ZFHX3: variants seen among roughly 807,000 people sequenced by gnomAD.
The protein encoded by ZFHX3 is zinc finger homeobox protein 3.
Under a neutral mutation model 279.1 loss-of-function variants are expected in ZFHX3, and 42 were observed. The ratio of observed to expected loss-of-function variants is 0.15; its 90% CI spans 0.12 to 0.19. The LOEUF is 0.19. ZFHX3 is among the 10% of genes least tolerant of loss of function. The pLI, the probability that ZFHX3 is intolerant of heterozygous loss-of-function variation, is 1.00. For synonymous variants in ZFHX3, 2,293 were observed against 1,957.8 expected (o/e 1.17, Z -4.52); for missense variants, 4,981 against 4,754.0 (o/e 1.05, Z -1.40).
intron 7 of ZFHX3, among the ~76,000 whole-genome samples, chr16:73,100,410 C>T (rs1966216354): frequency 6.6e-6 from 1 of 152,130 alleles, no homozygotes. Flanking sequence ...TTTGATCTGG[C>T]CCAGGTTTGC....
intron 1 of ZFHX3, among the ~76,000 whole-genome samples, chr16:73,838,730 C>CTG (rs549643597): frequency 2.0e-5 from 3 of 151,018 alleles, no homozygotes; most frequent in Non-Finnish European, 4.4e-5. Flanking sequence ...TCAACTGCTA[C>CTG]TGTGTGTGTG....
chr16:73,641,097 C>G (rs2052569026), intron 2 of ZFHX3, among the ~76,000 whole-genome samples: 1 of 152,152 alleles, frequency 6.6e-6, no homozygotes, highest in South Asian at 2.1e-4. Flanking sequence ...CCCACAGTAT[C>G]GACCTAGTTT....
At chr16:73,860,094 A>G (rs1961841472) in intron 1 of ZFHX3, among the ~76,000 whole-genome samples, 3 of 152,242 alleles carry the variant, frequency 2.0e-5, no homozygotes, top group Non-Finnish European at 4.4e-5. Flanking sequence ...GAACAAAGAC[A>G]CAATAGCAAA....
rs112263441 is a variant in ZFHX3 at position 73,521,162 on chromosome 16, G to C, written c.-1546-64904C>G. ...AATTATCAAGCTTAAACTATGTCTT[G>C]TTGTGGCTGGTTGGTTAGTTGGTTG... On this transcript the variant is annotated intron_variant, in intron 2 of 17. Transcript: ENST00000641206. Among the ~76,000 whole-genome samples the C allele has an allele frequency of 7.7e-4, 118 of 152,268 alleles. 1 individual carries two copies. The highest frequency in any genetic ancestry group is 2.7e-3 in the African/African-American group (111 of 41,540).
chr16:73,647,780 G>A (rs187469627), intron 2 of ZFHX3, among the ~76,000 whole-genome samples: 33 of 152,188 alleles, frequency 2.2e-4, no homozygotes, highest in African/African-American at 7.5e-4. Context: ...GCCTACTGAT[G>A]CATGTTCCCA....
At chr16:73,327,154 G>A (rs752505819) in intron 3 of ZFHX3, among the ~76,000 whole-genome samples, 6 of 152,208 alleles carry the variant, frequency 3.9e-5, no homozygotes, top group Non-Finnish European at 7.3e-5. Context: ...TGGGAGAGTA[G>A]TATTCTGAGA....
At chr16:73,890,952 A>C (rs896161520) in intron 1 of ZFHX3, among the ~76,000 whole-genome samples, 6 of 152,050 alleles carry the variant, frequency 3.9e-5, no homozygotes, top group African/African-American at 1.2e-4. Context: ...TGCAGATCAG[A>C]AGAGGCGCTC....
At chr16:73,108,963 A>G (rs1966337946) in intron 7 of ZFHX3, among the ~76,000 whole-genome samples, 1 of 151,496 alleles carries the variant, frequency 6.6e-6, no homozygotes, top group Non-Finnish European at 1.5e-5. Context: ...GTGGTGCAGC[A>G]AAGAGGTGCG....
chr16:73,631,680 G>A (rs1161105328), intron 2 of ZFHX3, among the ~76,000 whole-genome samples: 1 of 152,090 alleles, frequency 6.6e-6, no homozygotes, highest in Non-Finnish European at 1.5e-5. Flanking sequence ...CGAGGCAGGT[G>A]GATCACTTGA....
intron 1 of ZFHX3, among the ~76,000 whole-genome samples, chr16:73,789,114 T>C (rs1959748484): frequency 6.6e-6 from 1 of 151,424 alleles, no homozygotes; most frequent in Admixed American, 6.6e-5. Context: ...CTTGTAGATA[T>C]ATATGATATC....
At chr16:72,903,295 C>A (rs900223993) in intron 3 of ZFHX3, among the ~76,000 whole-genome samples, 2 of 152,172 alleles carry the variant, frequency 1.3e-5, no homozygotes, top group Non-Finnish European at 2.9e-5. Context: ...AGCAACAGCA[C>A]CCTCTGGGAA....
intron 1 of ZFHX3, among the ~76,000 whole-genome samples, chr16:73,707,556 C>A (rs2053316750): frequency 8.0e-6 from 1 of 124,416 alleles, no homozygotes; most frequent in Non-Finnish European, 1.5e-5. Context: ...CACAGGGACA[C>A]AGGAAGGGGA....
At position 73,009,908 on chromosome 16, in the gene ZFHX3, C is replaced by T. The variant is rs373927660; in HGVS notation, c.-50+37844G>A. Among the ~76,000 whole-genome samples, 7 of 151,678 alleles carry T rather than the reference C, an allele frequency of 4.6e-5. No individual in the cohort carries two copies. In the South Asian group the frequency reaches 6.3e-4, roughly 14 times the overall value. On this transcript the variant is annotated intron_variant, in intron 1 of 9. Transcript: ENST00000268489. Reference sequence around the variant, plus strand: ...TGGTGGCGCACGCCTGTAATCCCAGCTATTCAGGAGGCTGAGGCAGGAGAA... The same window carrying T: ...TGGTGGCGCACGCCTGTAATCCCAGTTATTCAGGAGGCTGAGGCAGGAGAA...
chr16:73,529,969 T>C (rs1798775268), intron 2 of ZFHX3, among the ~76,000 whole-genome samples: 1 of 152,078 alleles, frequency 6.6e-6, no homozygotes, highest in Non-Finnish European at 1.5e-5. Flanking sequence ...AACCACTCCA[T>C]TGTATTTGAT....
intron 4 of ZFHX3, among the ~76,000 whole-genome samples, chr16:73,283,826 G>T (rs1184218668): frequency 6.6e-6 from 1 of 152,074 alleles, no homozygotes; most frequent in Non-Finnish European, 1.5e-5. Flanking sequence ...GTGCATGGTT[G>T]TCATCCCAGC....
chr16:73,294,372 C>T (rs2014850963), intron 4 of ZFHX3: 1 of 152,220 alleles, frequency 6.6e-6, no homozygotes, highest in Non-Finnish European at 1.5e-5. Flanking sequence ...AGCCCCTCTC[C>T]CCCAGGATGG....
chr16:73,475,078 C>T (rs536009131), intron 2 of ZFHX3, among the ~76,000 whole-genome samples: 2 of 152,312 alleles, frequency 1.3e-5, no homozygotes, highest in African/African-American at 4.8e-5. Flanking sequence ...TCCCTCTGCT[C>T]TCTGACTCTT....
At chr16:73,855,691 C>A in intron 1 of ZFHX3, among the ~76,000 whole-genome samples, 1 of 152,118 alleles carries the variant, frequency 6.6e-6, no homozygotes, top group East Asian at 1.9e-4. Context: ...TTTACTAGAA[C>A]GTAGGACTTA....
At chr16:72,954,944 C>G (rs999470384) in intron 2 of ZFHX3, among the ~76,000 whole-genome samples, 10 of 152,192 alleles carry the variant, frequency 6.6e-5, no homozygotes, top group African/African-American at 2.4e-4. Context: ...TCAGTCACAT[C>G]TAATAACACC....
Sources: allele counts gnomAD v4.1 joint callset (sites outside exome capture counted in the v4.1 genomes callset), GRCh38; gene constraint gnomAD v4.1.1; transcripts MANE v1.5; gene names NCBI Gene and HGNC (gene_info 2026-07-23, HGNC 2026-07-21).